The following EEA1 variants were observed in gnomAD, a reference collection of about 807,000 sequenced individuals.
The protein encoded by EEA1 is early endosome antigen 1, 162kD.
A neutral mutation model predicts 209.2 loss-of-function variants in EEA1; 111 were observed. The ratio of observed to expected loss-of-function variants is 0.53; its 90% CI spans 0.45 to 0.62. The LOEUF (loss-of-function observed/expected upper bound fraction) is 0.62, where lower values mean the gene tolerates loss of function less well. Ranked by LOEUF, EEA1 falls within the 20% of genes least tolerant of loss-of-function variation. The pLI, the probability that EEA1 is intolerant of heterozygous loss-of-function variation, is 0.00. For missense variants in EEA1, 1,343 were observed against 1,530.8 expected (o/e 0.88, Z 2.05); for synonymous variants, 536 against 540.6 (o/e 0.99, Z 0.12).
At position 92,827,912 on chromosome 12, in the gene EEA1, C is replaced by G; in HGVS notation, c.1404G>C (p.Gln468His). The change falls in exon 12 of 29, where the codon CAG becomes CAC. Residue 468 changes from glutamine to histidine, a missense_variant and splice_region_variant. Gln to His is a conservative substitution (Grantham distance 24, BLOSUM62 0). Around this residue, in one of 3 missense-constraint regions of EEA1, gnomAD observed 1,307 missense variants for 1,465.5 expected, o/e 0.89. Transcript: ENST00000322349. ...LQLKLSRLEE[Q>H]LKEKVTNSTE... ...CAATAAATTGAAAATGCTAGCTTAC[C>G]TGCTCTTCTAACCGAGAAAGTTTGA... 4.5e-6 allele frequency: 7 copies of G among 1,557,408 alleles called. No individual in the cohort carries two copies. Among genetic ancestry groups the G allele is most frequent in the Non-Finnish European group, 6.1e-6 (7 of 1,157,012 alleles).
intron 2 of EEA1, among the ~76,000 whole-genome samples, chr12:92,886,545 G>A (rs1447446444): frequency 3.0e-5 from 2 of 66,518 alleles, no homozygotes; most frequent in African/African-American, 6.4e-5. Flanking sequence ...AGGGAGAGGA[G>A]GGGAGGGAAG....
At chr12:92,829,433 G>C (rs1876499323) in intron 11 of EEA1, among the ~76,000 whole-genome samples, 2 of 152,164 alleles carry the variant, frequency 1.3e-5, no homozygotes, top group African/African-American at 4.8e-5. Context: ...CTTCCACTAT[G>C]AATGCTTATA....
At chr12:92,902,713 C>A (rs1219834362) in intron 1 of EEA1, among the ~76,000 whole-genome samples, 1 of 145,774 alleles carries the variant, frequency 6.9e-6, no homozygotes, top group Non-Finnish European at 1.5e-5. Context: ...TGCACTCCAG[C>A]CTGGGCAACA....
At chr12:92,848,445 A>T (rs1185398893) in intron 9 of EEA1, among the ~76,000 whole-genome samples, 1 of 152,162 alleles carries the variant, frequency 6.6e-6, no homozygotes, top group East Asian at 1.9e-4. Flanking sequence ...CAACATAGCA[A>T]GACCCCATCT....
intron 22 of EEA1, among the ~76,000 whole-genome samples, chr12:92,782,528 A>C (rs1267954034): frequency 6.6e-6 from 1 of 152,238 alleles, no homozygotes; most frequent in Non-Finnish European, 1.5e-5. Flanking sequence ...GCAGTGTGAA[A>C]GAAAACAATC....
At chr12:92,903,179 C>T (rs1032742858) in intron 1 of EEA1, among the ~76,000 whole-genome samples, 1 of 151,680 alleles carries the variant, frequency 6.6e-6, no homozygotes, top group African/African-American at 2.4e-5. Context: ...CCTCGTGATC[C>T]GCCCACCTCG....
chr12:92,831,230 A>G (rs1231060860), intron 11 of EEA1, among the ~76,000 whole-genome samples: 1 of 152,072 alleles, frequency 6.6e-6, no homozygotes, highest in Non-Finnish European at 1.5e-5. Context: ...TCAAAAAAGT[A>G]GCTGAGACCT....
At chr12:92,892,585 T>G (rs1327103898) in intron 1 of EEA1, among the ~76,000 whole-genome samples, 1 of 85,482 alleles carries the variant, frequency 1.2e-5, no homozygotes, top group Non-Finnish European at 3.2e-5. Flanking sequence ...AGAGTCTTGC[T>G]CTGTCATCCA....
At chr12:92,872,694 T>G (rs1878708564) in intron 2 of EEA1, among the ~76,000 whole-genome samples, 1 of 152,242 alleles carries the variant, frequency 6.6e-6, no homozygotes, top group South Asian at 2.1e-4. Flanking sequence ...GGCTCATGCC[T>G]GCATCCCCAG....
chr12:92,793,842 C>A (rs992345587), intron 21 of EEA1, among the ~76,000 whole-genome samples: 2 of 152,014 alleles, frequency 1.3e-5, no homozygotes, highest in Non-Finnish European at 2.9e-5. Context: ...GACTAAAACA[C>A]CAAAAGCAAT....
At chr12:92,780,959 T>G (rs1873878727) in intron 23 of EEA1, among the ~76,000 whole-genome samples, 1 of 152,146 alleles carries the variant, frequency 6.6e-6, no homozygotes, top group Non-Finnish European at 1.5e-5. Context: ...CAGGCTGGAG[T>G]GCAGTGGTAT....
chr12:92,786,107 T>C (rs1022466637), intron 22 of EEA1, among the ~76,000 whole-genome samples: 3 of 152,148 alleles, frequency 2.0e-5, no homozygotes, highest in Non-Finnish European at 4.4e-5. Context: ...ATCATTTAAA[T>C]ATCCTTCAAA....
intron 1 of EEA1, among the ~76,000 whole-genome samples, chr12:92,903,288 T>C (rs1329803257): frequency 2.0e-5 from 3 of 151,422 alleles, no homozygotes; most frequent in African/African-American, 7.3e-5. Context: ...TATAAAAGCA[T>C]GAAGGTTATG....
At chr12:92,863,539 G>A (rs1878241608) in intron 3 of EEA1, among the ~76,000 whole-genome samples, 1 of 152,166 alleles carries the variant, frequency 6.6e-6, no homozygotes, top group Non-Finnish European at 1.5e-5. Flanking sequence ...ATGAATGTGA[G>A]GCCATTTTGA....
chr12:92,833,413 C>G (rs954073177), intron 10 of EEA1, among the ~76,000 whole-genome samples: 2 of 152,132 alleles, frequency 1.3e-5, no homozygotes. Flanking sequence ...TAAAGCTAAT[C>G]ACCTGCCTTA....
Position 92,816,266 on chromosome 12 carries a change from A to G in EEA1, c.1863T>C (p.Thr621=). The change falls in exon 15 of 29, where the codon ACT becomes ACC. Residue 621 remains threonine (T), a synonymous_variant. Transcript: ENST00000322349. ...ATTGACTATTTAATTCATTGACACT[A>G]GTTTCTAGGGAAAGGACACGGTCTT... ...AAQDRVLSLE[T]SVNELNSQLN... 2 of 1,613,954 alleles carry G rather than the reference A, an allele frequency of 1.2e-6. No individual in the cohort carries two copies. The highest frequency in any genetic ancestry group is 2.2e-5 in the East Asian group (1 of 44,864).
intron 21 of EEA1, among the ~76,000 whole-genome samples, chr12:92,796,541 T>TTA (rs1257890654): frequency 6.6e-6 from 1 of 152,000 alleles, no homozygotes; most frequent in Non-Finnish European, 1.5e-5. Flanking sequence ...AGATATCTAC[T>TTA]TATATATATA....
chr12:92,807,299 C>A (rs145456685), intron 18 of EEA1, among the ~76,000 whole-genome samples: 18 of 152,064 alleles, frequency 1.2e-4, no homozygotes, highest in Non-Finnish European at 2.6e-4. Flanking sequence ...TGTCTTCAAT[C>A]TGATAAAGGG....
At chr12:92,796,463 T>TTA (rs144029000) in intron 21 of EEA1, among the ~76,000 whole-genome samples, 57,861 of 150,532 alleles carry the variant, frequency 0.38, 11,856 homozygotes, top group Non-Finnish European at 0.46. Flanking sequence ...TACTTTTTAT[T>TTA]TATATATATA....
Sources: gnomAD v4.1 joint callset for allele counts (sites outside exome capture counted in the v4.1 genomes callset) on GRCh38, gnomAD v4.1.1 for gene constraint, gnomAD v4.1.1 regional missense constraint, MANE v1.5 for transcripts, NCBI Gene and HGNC (gene_info 2026-07-23, HGNC 2026-07-21) for gene names.